The following C10orf53 variants were observed in gnomAD, a reference collection of about 807,000 sequenced individuals.
C10orf53 encodes chromosome 10 open reading frame 53, also known as UPF0728 protein C10orf53.
A neutral mutation model predicts 9.4 loss-of-function variants in C10orf53; 8 were observed. That is an observed-to-expected ratio of 0.85 (90% CI 0.50 to 1.53). The LOEUF (loss-of-function observed/expected upper bound fraction) is 1.53, where lower values mean the gene tolerates loss of function less well. Among genes scored for constraint, C10orf53 ranks in the 40% most tolerant of loss-of-function variants. The pLI, the probability that C10orf53 is intolerant of heterozygous loss-of-function variation, is 0.00. For synonymous variants in C10orf53, 48 were observed against 46.0 expected (o/e 1.04, Z -0.18); for missense variants, 117 against 117.8 (o/e 0.99, Z 0.03).
intron 1 of C10orf53, among the ~76,000 whole-genome samples, chr10:49,687,373 C>T (rs756253791): frequency 1.3e-5 from 2 of 152,208 alleles, no homozygotes; most frequent in Non-Finnish European, 2.9e-5. Context: ...CAAATCATGT[C>T]AGCTTTAGTT....
rs200496706 is a variant in C10orf53 at position 49,695,179 on chromosome 10, A to G, written c.*577A>G. ...TCTTCAATTTCTCTCATCTAAAACAAGAAAATGACCTGCCTTCTTTTGCAT... is the reference window on the plus strand; with the variant it reads ...TCTTCAATTTCTCTCATCTAAAACAGGAAAATGACCTGCCTTCTTTTGCAT... On this transcript the variant is annotated 3_prime_UTR_variant, in exon 3 of 3. Coordinates refer to ENST00000374111, the MANE Select transcript of C10orf53 (RefSeq NM_001042427.3). 6.5e-4 allele frequency: 112 copies of G among 171,344 alleles called. No individual in the cohort carries two copies. The highest frequency in any genetic ancestry group is 2.3e-3 in the African/African-American group (96 of 41,868). 10.6% of individuals were successfully genotyped at this position (171,344 alleles called of 1,614,324 possible). A position where few individuals can be genotyped will look rare whatever the true frequency, so the allele number is the denominator to read the frequency against.
intron 2 of C10orf53, chr10:49,708,327 A>G: frequency 2.5e-6 from 4 of 1,606,186 alleles, no homozygotes; most frequent in Non-Finnish European, 3.4e-6. Flanking sequence ...CCATCTCTTG[A>G]TGCTGCTTTC....
In C10orf53 at chr10:49,704,467, G is replaced by A. The variant is rs551522701; in HGVS notation, c.218-3894G>A. Among the ~76,000 whole-genome samples, 59 of 152,286 alleles carry A rather than the reference G, an allele frequency of 3.9e-4. 1 individual carries two copies. The highest frequency in any genetic ancestry group is 1.2e-3 in the African/African-American group (51 of 41,554). ...TTGAAACTGAGATACTAGGCCAGGC[G>A]CAGTAGCTCACACCTGTAATCCCAG... On this transcript the variant is annotated intron_variant, in intron 2 of 2. Coordinates refer to the C10orf53 transcript ENST00000374112.
downstream of C10orf53, among the ~76,000 whole-genome samples, chr10:49,701,119 G>A (rs1840679403): frequency 6.6e-6 from 1 of 152,078 alleles, no homozygotes; most frequent in African/African-American, 2.4e-5. Context: ...AGCAATACAG[G>A]TACTCCTCAC....
rs1159055636 is a variant in C10orf53, at chr10:49,693,836, G to A, written c.160G>A (p.Glu54Lys). 1 of 1,614,118 alleles carries A rather than the reference G, an allele frequency of 6.2e-7. No individual in the cohort carries two copies. The change falls in exon 2 of 3, where the codon GAA becomes AAA. Residue 54 changes from glutamate (E) to lysine (K), a missense_variant. Glu to Lys is a moderately conservative substitution (Grantham distance 56). Coordinates refer to ENST00000374111, the MANE Select transcript of C10orf53 (RefSeq NM_001042427.3). ...GAAGATAGAAGACTGGAATGTGGTG[G>A]AACTCATGGTGAATGAAGAAGTCAT... ...LEKIEDWNVV[E>K]LMVNEEVIFH...
intron 1 of C10orf53, among the ~76,000 whole-genome samples, chr10:49,682,105 T>C (rs1221438528): frequency 1.3e-5 from 2 of 152,350 alleles, no homozygotes; most frequent in East Asian, 1.9e-4. Flanking sequence ...GTAAAACATA[T>C]ATTTAAAATG....
At chr10:49,693,361 G>A (rs542146370) in intron 1 of C10orf53, among the ~76,000 whole-genome samples, 4 of 152,116 alleles carry the variant, frequency 2.6e-5, no homozygotes, top group African/African-American at 7.2e-5. Flanking sequence ...TGAGGCTTTT[G>A]GTACGTACTG....
At chr10:49,680,774 A>G (rs1840471793) in intron 1 of C10orf53, among the ~76,000 whole-genome samples, 1 of 152,180 alleles carries the variant, frequency 6.6e-6, no homozygotes, top group African/African-American at 2.4e-5. Flanking sequence ...ACTTCCTGAG[A>G]GGATGGAGGT....
At chr10:49,703,305 C>A (rs1430162420) in intron 2 of C10orf53, among the ~76,000 whole-genome samples, 1 of 152,170 alleles carries the variant, frequency 6.6e-6, no homozygotes. Flanking sequence ...CATTGAATTT[C>A]TTCACTTTGG....
At chr10:49,706,182 C>T (rs182362551) in intron 2 of C10orf53, among the ~76,000 whole-genome samples, 8 of 152,322 alleles carry the variant, frequency 5.3e-5, no homozygotes, top group Admixed American at 2.0e-4. Context: ...CTTTGGAAAA[C>T]AGTCTGGCAA....
intron 1 of C10orf53, 81 bp downstream of exon 1, chr10:49,679,875 C>A (rs1840463207): frequency 7.9e-7 from 1 of 1,262,578 alleles, no homozygotes; most frequent in Admixed American, 3.3e-5. Context: ...CCTAGGCCTT[C>A]CTCAGACCCC....
At chr10:49,691,639 G>C (rs1340902413) in intron 1 of C10orf53, among the ~76,000 whole-genome samples, 1 of 152,218 alleles carries the variant, frequency 6.6e-6, no homozygotes, top group African/African-American at 2.4e-5. Flanking sequence ...ACTCAATAGG[G>C]TAAGTGATTC....
rs376184767 is a variant in C10orf53, at chr10:49,694,586, T to C, written c.266T>C (p.Val89Ala). The C allele has an allele frequency of 2.8e-5, 46 of 1,614,250 alleles. No homozygotes were observed. Among genetic ancestry groups the C allele is most frequent in the Non-Finnish European group, 3.7e-5 (44 of 1,180,028 alleles). ...CTGTGTGAAAAGGCCAGGATAGCCG[T>C]GCTGAATGCCTACTGATCTCCTCAT... ...DPLCEKARIA[V>A]LNAY The change falls in exon 3 of 3, where the codon GTG (valine) becomes GCG (alanine). Residue 89 changes from valine to alanine, a missense_variant. Coordinates refer to ENST00000374111, the MANE Select transcript of C10orf53 (RefSeq NM_001042427.3).
At chr10:49,706,697 T>C (rs1430527036) in intron 2 of C10orf53, among the ~76,000 whole-genome samples, 1 of 152,230 alleles carries the variant, frequency 6.6e-6, no homozygotes, top group Non-Finnish European at 1.5e-5. Context: ...ATCCATTGAA[T>C]TGTACAGTTT....
In C10orf53 at chr10:49,695,745, G is replaced by T. The variant is rs914873975; in HGVS notation, c.*1143G>T. 6.6e-6 allele frequency: 1 copy of T among 152,224 alleles called. No homozygotes were observed. The highest frequency in any genetic ancestry group is 1.5e-5 in the Non-Finnish European group (1 of 68,044). The allele number at this position is 152,224 out of a possible 1,614,324, so 9.4% of individuals were successfully genotyped here. A position where few individuals can be genotyped will look rare whatever the true frequency, so the allele number is the denominator to read the frequency against. On this transcript the variant is annotated 3_prime_UTR_variant, in exon 3 of 3. Transcript: ENST00000374111. Reference sequence around the variant, plus strand: ...TAAAACCCCAGCCCAAGCTTCACTTGTCAGAGTTGATTCAGGGATTGTGAA... The same window carrying T: ...TAAAACCCCAGCCCAAGCTTCACTTTTCAGAGTTGATTCAGGGATTGTGAA...
At chr10:49,704,683 G>A (rs1840710244) in intron 2 of C10orf53, among the ~76,000 whole-genome samples, 1 of 152,176 alleles carries the variant, frequency 6.6e-6, no homozygotes, top group Non-Finnish European at 1.5e-5. Context: ...GGCAGAGGTT[G>A]CAGTGAGTCG....
chr10:49,698,122 C>A (rs922708798), downstream of C10orf53, among the ~76,000 whole-genome samples: 12 of 152,136 alleles, frequency 7.9e-5, no homozygotes, highest in Admixed American at 1.3e-4. Context: ...GAGACCTCAT[C>A]TCTACAAAAA....
intron 1 of C10orf53, among the ~76,000 whole-genome samples, chr10:49,689,128 A>G (rs1309052334): frequency 6.6e-6 from 1 of 152,162 alleles, no homozygotes. Flanking sequence ...CGAATGCTAG[A>G]ACCACAGGAG....
chr10:49,693,624 A>G (rs1840604894), intron 1 of C10orf53, 150 bp from the exon 2 acceptor site: 2 of 948,720 alleles, frequency 2.1e-6, no homozygotes, highest in Non-Finnish European at 3.2e-6. Context: ...ACCTGGGGCC[A>G]ACACCCAGAA....
Sources: gnomAD v4.1 joint callset for allele counts (sites outside exome capture counted in the v4.1 genomes callset) on GRCh38, gnomAD v4.1.1 for gene constraint, MANE v1.5 for transcripts, NCBI Gene and HGNC (gene_info 2026-07-23, HGNC 2026-07-21) for gene names.